Variants in STK39 observed in about 807,000 individuals in gnomAD.
STK39 encodes serine/threonine kinase 39, also known as STE20/SPS1-related proline-alanine-rich protein kinase.
STK39 carries 20 observed loss-of-function variants against 77.8 expected under a neutral mutation model. That is an observed-to-expected ratio of 0.26 (90% CI 0.18 to 0.37). The LOEUF (loss-of-function observed/expected upper bound fraction) is 0.37, where lower values mean the gene tolerates loss of function less well. STK39 is among the 10% of genes least tolerant of loss of function. The pLI is 1.00. For missense variants in STK39, 479 were observed against 656.5 expected (o/e 0.73, Z 2.95); for synonymous variants, 246 against 234.1 (o/e 1.05, Z -0.47).
chr2:168,034,522 T>C (rs756705612), intron 14 of STK39, among the ~76,000 whole-genome samples: 14 of 152,200 alleles, frequency 9.2e-5, no homozygotes, highest in Non-Finnish European at 1.8e-4. Context: ...TGCCAGTGGC[T>C]GGCCACCATT....
chr2:168,054,578 G>A (rs1029696616), intron 14 of STK39, among the ~76,000 whole-genome samples: 1 of 152,166 alleles, frequency 6.6e-6, no homozygotes, highest in African/African-American at 2.4e-5. Context: ...TAAAATGCCA[G>A]ACATTTTTTG....
intron 14 of STK39, among the ~76,000 whole-genome samples, chr2:168,025,895 T>C (rs1477866756): frequency 6.6e-6 from 1 of 152,202 alleles, no homozygotes; most frequent in Non-Finnish European, 1.5e-5. Flanking sequence ...CCTTCGGGAA[T>C]TGAAGACTGG....
chr2:168,054,056 C>T (rs1314001253), intron 14 of STK39, among the ~76,000 whole-genome samples: 1 of 152,216 alleles, frequency 6.6e-6, no homozygotes, highest in Non-Finnish European at 1.5e-5. Context: ...TTAGCATCTC[C>T]TCCAAGAAAA....
intron 8 of STK39, among the ~76,000 whole-genome samples, chr2:168,136,226 T>G (rs1332914231): frequency 6.6e-6 from 1 of 151,686 alleles, no homozygotes; most frequent in Non-Finnish European, 1.5e-5. Flanking sequence ...AAAATTAGCC[T>G]GGCGTGGTGA....
At chr2:168,152,889 T>C (rs930250702) in intron 5 of STK39, among the ~76,000 whole-genome samples, 1 of 152,220 alleles carries the variant, frequency 6.6e-6, no homozygotes, top group Admixed American at 6.5e-5. Context: ...AGGTGATCTT[T>C]TTTAAACAAA....
Position 168,119,882 on chromosome 2 carries a change from C to T in STK39, c.1089+9659G>A, listed in dbSNP as rs75503243. ...ACTCAGGGTAATTTTCCCTCTTTAT[C>T]GACTAAAAGAAGAAACTAAATGGTA... On this transcript the variant is annotated intron_variant, in intron 10 of 17. Coordinates refer to ENST00000355999, the MANE Select transcript of STK39 (RefSeq NM_013233.3). Among the ~76,000 whole-genome samples the T allele has an allele frequency of 5.9e-3, 903 of 152,206 alleles. 11 individuals are homozygous for T. The highest frequency in any genetic ancestry group is 0.021 in the African/African-American group (859 of 41,536).
At chr2:168,038,204 T>C (rs961737488) in intron 14 of STK39, among the ~76,000 whole-genome samples, 3 of 146,800 alleles carry the variant, frequency 2.0e-5, no homozygotes, top group Admixed American at 2.0e-4. Flanking sequence ...AAAATGTTAA[T>C]ACATGTATTG....
At chr2:168,142,587 T>C (rs1688011343) in intron 5 of STK39, among the ~76,000 whole-genome samples, 1 of 152,210 alleles carries the variant, frequency 6.6e-6, no homozygotes, top group Admixed American at 6.5e-5. Context: ...AAATACTACC[T>C]GCTTACATTA....
intron 5 of STK39, among the ~76,000 whole-genome samples, chr2:168,144,524 T>G (rs547633413): frequency 1.9e-3 from 290 of 152,186 alleles, no homozygotes; most frequent in Non-Finnish European, 2.0e-3. Context: ...CAAGGTGTTC[T>G]CAAACTGTTG....
At chr2:168,225,993 C>A (rs755289200) in intron 1 of STK39, among the ~76,000 whole-genome samples, 5 of 152,080 alleles carry the variant, frequency 3.3e-5, no homozygotes, top group Non-Finnish European at 7.4e-5. Context: ...GCCATAGTTG[C>A]GGCTAACAGG....
At chr2:168,221,760 C>G (rs888336520) in intron 1 of STK39, among the ~76,000 whole-genome samples, 1 of 152,150 alleles carries the variant, frequency 6.6e-6, no homozygotes, top group South Asian at 2.1e-4. Context: ...GGCACTTCTT[C>G]TTTGGATCAC....
intron 1 of STK39, among the ~76,000 whole-genome samples, chr2:168,195,891 C>T (rs1689457456): frequency 6.6e-6 from 1 of 152,202 alleles, no homozygotes; most frequent in Non-Finnish European, 1.5e-5. Context: ...GTGGCGGGCA[C>T]CTGTAATCCC....
intron 5 of STK39, among the ~76,000 whole-genome samples, chr2:168,155,230 G>A (rs568056263): frequency 6.6e-6 from 1 of 152,264 alleles, no homozygotes; most frequent in East Asian, 1.9e-4. Flanking sequence ...TTAAGCTGTT[G>A]CTCAAACAAC....
intron 1 of STK39, among the ~76,000 whole-genome samples, chr2:168,202,044 G>T (rs1559143954): frequency 6.6e-6 from 1 of 152,098 alleles, no homozygotes; most frequent in Admixed American, 6.6e-5. Context: ...AGAAGTTTGG[G>T]CCCCCCGCCC....
intron 1 of STK39, among the ~76,000 whole-genome samples, chr2:168,209,219 G>A (rs968941200): frequency 4.6e-5 from 7 of 152,130 alleles, no homozygotes; most frequent in African/African-American, 1.7e-4. Flanking sequence ...GATGATGAAA[G>A]TCTTAAGCAA....
chr2:168,023,542 C>T (rs1684624376), intron 14 of STK39, among the ~76,000 whole-genome samples: 7 of 152,088 alleles, frequency 4.6e-5, no homozygotes, highest in Admixed American at 4.6e-4. Flanking sequence ...GACAATCTGA[C>T]AGAGTTATTG....
intron 16 of STK39, among the ~76,000 whole-genome samples, chr2:167,965,954 G>A (rs898045139): frequency 1.3e-5 from 2 of 152,106 alleles, no homozygotes; most frequent in Admixed American, 6.6e-5. Flanking sequence ...AGCTGCAGAG[G>A]AGAAAAAAGA....
chr2:168,194,098 G>C (rs1689411703), intron 1 of STK39, among the ~76,000 whole-genome samples: 1 of 152,170 alleles, frequency 6.6e-6, no homozygotes, highest in Admixed American at 6.5e-5. Context: ...ATTCAGAAAT[G>C]TATGTGTATC....
intron 1 of STK39, among the ~76,000 whole-genome samples, chr2:168,219,239 T>C (rs145773944): frequency 0.028 from 4,207 of 151,978 alleles, 107 homozygotes; most frequent in East Asian, 0.08. Context: ...TGAGCCAAGA[T>C]TGAGCCACTG....
Sources: gnomAD v4.1 joint callset for allele counts (sites outside exome capture counted in the v4.1 genomes callset) on GRCh38, gnomAD v4.1.1 for gene constraint, MANE v1.5 for transcripts, NCBI Gene and HGNC (gene_info 2026-07-23, HGNC 2026-07-21) for gene names.